RGS9: variants seen among roughly 807,000 people sequenced by gnomAD.
RGS9 encodes regulator of G protein signaling 9.
Under a neutral mutation model 102.0 loss-of-function variants are expected in RGS9, and 78 were observed. The observed-to-expected ratio is 0.76, with a 90% confidence interval of 0.64 to 0.92. RGS9 has a LOEUF of 0.92. Among genes scored for constraint, RGS9 ranks in the 40% least tolerant of loss-of-function variants. RGS9 has a pLI of 0.00. For synonymous variants in RGS9, 353 were observed against 318.6 expected, an observed-to-expected ratio of 1.11 and a Z score of -1.15; for missense variants, 833 against 866.1, an observed-to-expected ratio of 0.96 and a Z score of 0.48.
At chr17:65,141,987 T>C (rs1910174777) in intron 1 of RGS9, among the ~76,000 whole-genome samples, 2 of 152,238 alleles carry the variant, frequency 1.3e-5, no homozygotes, top group South Asian at 4.1e-4. Flanking sequence ...CTGGGTGCAG[T>C]GGCACATGCC....
intron 8 of RGS9, among the ~76,000 whole-genome samples, chr17:65,169,121 G>A (rs1911310133): frequency 6.6e-6 from 1 of 152,208 alleles, no homozygotes; most frequent in African/African-American, 2.4e-5. Flanking sequence ...AGAAGCAGAA[G>A]GAGAACTGAG....
At chr17:65,164,822 A>C (rs1255733190) in intron 7 of RGS9, among the ~76,000 whole-genome samples, 1 of 152,168 alleles carries the variant, frequency 6.6e-6, no homozygotes, top group Non-Finnish European at 1.5e-5. Flanking sequence ...TTTGTTCATA[A>C]GGCTTCATTT....
In RGS9 at chr17:65,194,625, C is replaced by T. The variant is rs568206532; in HGVS notation, c.860+969C>T. ...ATAGTCATTGCTCACTGGACCTGCA[C>T]GCTTGTGTTATTTGGAAGAGGGGGC... On this transcript the variant is annotated intron_variant, in intron 12 of 18. Coordinates refer to ENST00000262406, the MANE Select transcript of RGS9 (RefSeq NM_003835.4). 7.9e-5 allele frequency among the ~76,000 whole-genome samples: 12 copies of T among 152,088 alleles called. No homozygotes were observed. The South Asian group carries it at 1.5e-3, about 18-fold the overall frequency.
At chr17:65,155,251 AT>A (rs1910726138) in intron 2 of RGS9, among the ~76,000 whole-genome samples, 1 of 152,126 alleles carries the variant, frequency 6.6e-6, no homozygotes, top group Admixed American at 6.5e-5. Flanking sequence ...TCCTGAAGGC[AT>A]CCCTGACCCT....
Position 65,196,170 on chromosome 17 carries a change from G to A in RGS9, c.861-956G>A, listed in dbSNP as rs75485886. On this transcript the variant is annotated intron_variant, in intron 12 of 18. Coordinates refer to ENST00000262406, the MANE Select transcript of RGS9 (RefSeq NM_003835.4). ...CATAGTGTTCTTTTAAGGATTCGAT[G>A]GTATGTGTGTAACGCACAGTACCTC... 2.2e-4 allele frequency among the ~76,000 whole-genome samples: 34 copies of A among 152,314 alleles called. 1 individual carries two copies. The East Asian group carries it at 6.2e-3, about 28-fold the overall frequency.
intron 17 of RGS9, 175 bp downstream of exon 17, chr17:65,210,780 T>C: frequency 9.4e-7 from 1 of 1,063,554 alleles, no homozygotes; most frequent in South Asian, 1.6e-5. Flanking sequence ...CATCCCATAC[T>C]CCTCTAACTT....
intron 2 of RGS9, among the ~76,000 whole-genome samples, chr17:65,156,537 C>T (rs1199847658): frequency 6.6e-6 from 1 of 152,232 alleles, no homozygotes; most frequent in African/African-American, 2.4e-5. Flanking sequence ...AATTATTTAA[C>T]TTCTTGGACG....
At chr17:65,190,139 G>A in intron 10 of RGS9, 36 bp from the exon 11 acceptor site, 3 of 1,527,606 alleles carry the variant, frequency 2.0e-6, no homozygotes, top group Non-Finnish European at 1.8e-6. Flanking sequence ...GGGTGGGAGG[G>A]GGTTGAATAC....
At chr17:65,138,179 T>C (rs1218664061) in intron 1 of RGS9, among the ~76,000 whole-genome samples, 1 of 152,142 alleles carries the variant, frequency 6.6e-6, no homozygotes, top group Non-Finnish European at 1.5e-5. Context: ...GGGCACAGGG[T>C]GTGCACACAG....
intron 13 of RGS9, among the ~76,000 whole-genome samples, chr17:65,201,220 C>T (rs565286248): frequency 6.6e-5 from 10 of 152,240 alleles, no homozygotes; most frequent in South Asian, 6.2e-4. Context: ...TACCTCTGGA[C>T]GCTGCAGGTT....
intron 9 of RGS9, among the ~76,000 whole-genome samples, chr17:65,186,467 A>G (rs1166548765): frequency 1.3e-5 from 2 of 152,060 alleles, no homozygotes; most frequent in Non-Finnish European, 2.9e-5. Flanking sequence ...CTTCCCAAAG[A>G]GCTGGGGTTA....
chr17:65,225,215 G>A lies in RGS9; in HGVS notation c.1621G>A (p.Glu541Lys), dbSNP rs1485509462. 6.2e-7 allele frequency: 1 copy of A among 1,612,610 alleles called. No individual in the cohort carries two copies. Among genetic ancestry groups the A allele is most frequent in the Non-Finnish European group, 8.5e-7 (1 of 1,180,016 alleles). The change falls in exon 18 of 19, where the codon GAG (glutamate) becomes AAG (lysine). Residue 541 changes from glutamate (E) to lysine (K), a missense_variant. Physicochemically the swap from Glu to Lys is moderately conservative, Grantham distance 56. Around this residue, in one of 3 missense-constraint regions of RGS9, gnomAD observed 320 missense variants for 276.8 expected, o/e 1.16. Transcript: ENST00000262406. Reference sequence around the variant, plus strand: ...CTCATCGGGCTTGGAGCAGAAAGGGGAGTGCAGCGGGTCCATGGCCCCCCG... The same window carrying A: ...CTCATCGGGCTTGGAGCAGAAAGGGAAGTGCAGCGGGTCCATGGCCCCCCG... Reference protein sequence around the residue: ...ESSSGLEQKGECSGSMAPRGP... With the variant: ...ESSSGLEQKGKCSGSMAPRGP...
intron 1 of RGS9, among the ~76,000 whole-genome samples, chr17:65,139,108 C>CTCCACCCCCCCCCCCCCCCA (rs1910045980): frequency 2.4e-5 from 1 of 40,872 alleles, no homozygotes; most frequent in Non-Finnish European, 5.6e-5. Flanking sequence ...GCTCTCCCCC[C>CTCCACCCCCCCCCCCCCCCA]TCCACCCCAC....
intron 1 of RGS9, among the ~76,000 whole-genome samples, chr17:65,151,644 A>T (rs1350886313): frequency 6.6e-6 from 1 of 152,172 alleles, no homozygotes; most frequent in Non-Finnish European, 1.5e-5. Flanking sequence ...CTTACAGTCG[A>T]CCTTCCAAGG....
intron 1 of RGS9, among the ~76,000 whole-genome samples, chr17:65,140,284 T>C (rs546648953): frequency 4.2e-4 from 64 of 152,214 alleles, no homozygotes; most frequent in African/African-American, 1.4e-3. Flanking sequence ...TCAGTGTGCT[T>C]AGGGACACAG....
rs1911517444 is a variant in RGS9, at chr17:65,173,967, G to A, written c.583-3765G>A. ...TTGATTGGGAACAACTGAGACTTAA[G>A]GGCTGCTGCCCACAGAGGTGCAAGA... On this transcript the variant is annotated intron_variant, in intron 8 of 18. Coordinates refer to ENST00000262406, the MANE Select transcript of RGS9 (RefSeq NM_003835.4). This position sits in a 1 kb window ranked among gnomAD's most constrained non-coding sequence, Gnocchi z 4.8. 6.6e-6 allele frequency among the ~76,000 whole-genome samples: 1 copy of A among 152,232 alleles called. No homozygotes were observed. Among genetic ancestry groups the A allele is most frequent in the East Asian group, 1.9e-4 (1 of 5,204 alleles).
In RGS9 at chr17:65,137,570, C is replaced by A. The variant is rs761487170; in HGVS notation, c.30C>A (p.Tyr10Ter). MTIRHQGQQ[Y>*]RPRMAFLQKI... ...CAATCCGACACCAAGGCCAGCAGTACAGGCCGAGGATGGCATTTCTCCAAA... is the reference window on the plus strand; with the variant it reads ...CAATCCGACACCAAGGCCAGCAGTAAAGGCCGAGGATGGCATTTCTCCAAA... Residue 10 changes from tyrosine (Y) to a stop codon, truncating the protein, a stop_gained, in exon 1 of 19, where the codon TAC becomes TAA. Coordinates refer to ENST00000262406, the MANE Select transcript of RGS9 (RefSeq NM_003835.4). LOFTEE classifies it high-confidence loss of function. 1.2e-6 allele frequency: 2 copies of A among 1,613,064 alleles called. No homozygotes were observed. The highest frequency in any genetic ancestry group is 1.7e-6 in the Non-Finnish European group (2 of 1,179,996).
intron 9 of RGS9, among the ~76,000 whole-genome samples, chr17:65,184,470 T>C (rs1187606979): frequency 6.6e-6 from 1 of 152,126 alleles, no homozygotes; most frequent in Non-Finnish European, 1.5e-5. Flanking sequence ...TGTGTGTGGG[T>C]CTCTGCTATG....
intron 9 of RGS9, 106 bp from the exon 10 acceptor site, chr17:65,189,180 A>G: frequency 1.1e-6 from 1 of 902,688 alleles, no homozygotes; most frequent in South Asian, 1.4e-5. Context: ...GAAAGAAAAA[A>G]ATGGGCATTT....
Sources: gnomAD v4.1 joint callset for allele counts (sites outside exome capture counted in the v4.1 genomes callset) on GRCh38, gnomAD v4.1.1 for gene constraint, gnomAD v4.1.1 regional missense constraint, Gnocchi (gnomAD v3.1) non-coding constraint, MANE v1.5 for transcripts, NCBI Gene and HGNC (gene_info 2026-07-23, HGNC 2026-07-21) for gene names.